The following NCAM2 variants were observed in gnomAD, a reference collection of about 807,000 sequenced individuals.
NCAM2 encodes neural cell adhesion molecule 2.
A neutral mutation model predicts 98.1 loss-of-function variants in NCAM2; 30 were observed. The observed-to-expected ratio is 0.31, with a 90% confidence interval of 0.23 to 0.41. NCAM2 has a LOEUF of 0.41. NCAM2 is among the 10% of genes least tolerant of loss of function. NCAM2 has a pLI of 1.00. For synonymous variants in NCAM2, 368 were observed against 342.4 expected (o/e 1.07, Z -0.83); for missense variants, 867 against 1,005.8 (o/e 0.86, Z 1.87).
At chr21:21,349,260 G>A (rs2075272854) in intron 8 of NCAM2, among the ~76,000 whole-genome samples, 1 of 151,992 alleles carries the variant, frequency 6.6e-6, no homozygotes, top group East Asian at 1.9e-4. Flanking sequence ...ATCAAAAAAT[G>A]GGCAAAAGAT....
intron 1 of NCAM2, among the ~76,000 whole-genome samples, chr21:21,268,770 CT>C (rs1209385621): frequency 6.6e-6 from 1 of 152,154 alleles, no homozygotes; most frequent in Admixed American, 6.6e-5. Context: ...TTAGCTTTTT[CT>C]TCATTCTGAG....
At chr21:21,376,744 T>A (rs1297707329) in intron 9 of NCAM2, among the ~76,000 whole-genome samples, 1 of 151,806 alleles carries the variant, frequency 6.6e-6, no homozygotes, top group East Asian at 1.9e-4. Flanking sequence ...GCATTCCTTC[T>A]TTATAAGTTT....
intron 12 of NCAM2, among the ~76,000 whole-genome samples, chr21:21,442,444 G>A (rs1238291312): frequency 2.0e-5 from 3 of 152,238 alleles, no homozygotes; most frequent in East Asian, 3.9e-4. Flanking sequence ...TCAACTAAAA[G>A]TTGCCAAGAT....
chr21:21,045,811 A>G (rs560478338), intron 1 of NCAM2, among the ~76,000 whole-genome samples: 93 of 152,318 alleles, frequency 6.1e-4, no homozygotes, highest in Middle Eastern at 6.8e-3. Context: ...ATGTCACATG[A>G]TGTTAGCCAT....
At chr21:21,257,025 G>A (rs2071699573) in intron 1 of NCAM2, among the ~76,000 whole-genome samples, 1 of 152,170 alleles carries the variant, frequency 6.6e-6, no homozygotes, top group South Asian at 2.1e-4. Context: ...TAATCAAGCT[G>A]CTAAAGTACA....
intron 12 of NCAM2, among the ~76,000 whole-genome samples, chr21:21,462,226 C>A (rs567276699): frequency 6.6e-6 from 1 of 152,078 alleles, no homozygotes; most frequent in South Asian, 2.1e-4. Flanking sequence ...ATGAACAGTT[C>A]CATTGGGGTT....
At chr21:21,205,005 A>G (rs1414685605) in intron 1 of NCAM2, among the ~76,000 whole-genome samples, 1 of 152,080 alleles carries the variant, frequency 6.6e-6, no homozygotes, top group Non-Finnish European at 1.5e-5. Flanking sequence ...CTTCTGAGAT[A>G]TTTGATGGAA....
intron 1 of NCAM2, among the ~76,000 whole-genome samples, chr21:21,046,870 A>G (rs892816179): frequency 5.9e-5 from 9 of 152,348 alleles, no homozygotes; most frequent in African/African-American, 2.2e-4. Flanking sequence ...GCACCAAACC[A>G]AACAATAATA....
At chr21:21,007,188 C>T (rs561886238) in intron 1 of NCAM2, among the ~76,000 whole-genome samples, 1 of 152,016 alleles carries the variant, frequency 6.6e-6, no homozygotes, top group Non-Finnish European at 1.5e-5. Flanking sequence ...TGAATAGGTC[C>T]CAATGTAAGA....
chr21:21,348,553 C>T (rs993714835), intron 8 of NCAM2, among the ~76,000 whole-genome samples: 1 of 152,020 alleles, frequency 6.6e-6, no homozygotes, highest in African/African-American at 2.4e-5. Flanking sequence ...AGTGCAATCC[C>T]TATCAAAATT....
chr21:21,346,507 G>A (rs555240397), intron 8 of NCAM2, among the ~76,000 whole-genome samples: 2 of 152,088 alleles, frequency 1.3e-5, no homozygotes, highest in African/African-American at 4.8e-5. Flanking sequence ...AACTTCAGAT[G>A]TAATCTGCAC....
intron 1 of NCAM2, among the ~76,000 whole-genome samples, chr21:21,202,782 T>A (rs2069284548): frequency 6.6e-6 from 1 of 152,046 alleles, no homozygotes; most frequent in South Asian, 2.1e-4. Context: ...ACAAATAAAT[T>A]AGGTTAAGTT....
At chr21:21,110,652 TA>T (rs2066436035) in intron 1 of NCAM2, among the ~76,000 whole-genome samples, 1 of 151,172 alleles carries the variant, frequency 6.6e-6, no homozygotes, top group South Asian at 2.1e-4. Context: ...TTGTATGAGT[TA>T]TTTTTTTGGA....
At chr21:21,450,561 C>T (rs1399650703) in intron 12 of NCAM2, among the ~76,000 whole-genome samples, 1 of 151,966 alleles carries the variant, frequency 6.6e-6, no homozygotes, top group African/African-American at 2.4e-5. Context: ...AATTCCTGGC[C>T]TCAAGTGGTC....
chr21:21,415,551 G>A (rs563647558), intron 10 of NCAM2, among the ~76,000 whole-genome samples: 1 of 152,088 alleles, frequency 6.6e-6, no homozygotes, highest in South Asian at 2.1e-4. Context: ...TAGCCAGGAT[G>A]ATCTCGATCT....
At chr21:21,081,013 T>G (rs1343090351) in intron 1 of NCAM2, among the ~76,000 whole-genome samples, 7 of 152,142 alleles carry the variant, frequency 4.6e-5, no homozygotes, top group Admixed American at 4.6e-4. Context: ...TTTGACCTTT[T>G]GACTTGGAGT....
At chr21:21,207,555 A>T (rs201399403) in intron 1 of NCAM2, among the ~76,000 whole-genome samples, 3 of 152,098 alleles carry the variant, frequency 2.0e-5, no homozygotes, top group Non-Finnish European at 4.4e-5. Flanking sequence ...CCCACAGAGA[A>T]TTAATAAGGT....
intron 9 of NCAM2, among the ~76,000 whole-genome samples, chr21:21,381,150 A>G (rs2076145692): frequency 1.3e-5 from 2 of 152,208 alleles, no homozygotes; most frequent in East Asian, 3.8e-4. Flanking sequence ...TAACAGGGTC[A>G]GGGAATAAAT....
intron 6 of NCAM2, among the ~76,000 whole-genome samples, chr21:21,327,867 A>G (rs2074561507): frequency 6.6e-6 from 1 of 152,206 alleles, no homozygotes. Context: ...ATTATAAAAC[A>G]TGTTCACAAA....
Sources: gnomAD v4.1 joint callset for allele counts (sites outside exome capture counted in the v4.1 genomes callset) on GRCh38, gnomAD v4.1.1 for gene constraint, MANE v1.5 for transcripts, NCBI Gene and HGNC (gene_info 2026-07-23, HGNC 2026-07-21) for gene names.